The following ADAMTSL3 variants were observed in gnomAD, a reference collection of about 807,000 sequenced individuals.
ADAMTSL3 encodes ADAMTS-like protein 3.
In ADAMTSL3, 128 loss-of-function variants were observed where a neutral mutation model predicts 201.7. The ratio of observed to expected loss-of-function variants is 0.63; its 90% confidence interval spans 0.55 to 0.73. ADAMTSL3 has a LOEUF of 0.73. ADAMTSL3 is among the 30% of genes least tolerant of loss of function. The probability of loss-of-function intolerance (pLI) is 0.00; values close to 1 mark genes in which losing one functional copy is unlikely to be tolerated. For missense variants in ADAMTSL3, 1,990 were observed against 2,119.6 expected, an observed-to-expected ratio of 0.94 and a Z score of 1.20; for synonymous variants, 738 against 748.4, an observed-to-expected ratio of 0.99 and a Z score of 0.23.
chr15:83,892,995 A>G, intron 13 of ADAMTSL3, 107 bp downstream of exon 13: 1 of 1,108,230 alleles, frequency 9.0e-7, no homozygotes, highest in South Asian at 1.6e-5. Context: ...AAAAAGTGGT[A>G]AAAGAGCATG....
In ADAMTSL3 at chr15:83,961,535, A is replaced by G. The variant is rs550112273; in HGVS notation, c.2491-8949A>G. On this transcript the variant is annotated intron_variant, in intron 19 of 29. Transcript: ENST00000286744. ...TAAAGCAAAACCCCCTTTGAACAGA[A>G]AGTCAACCAAATAAACTAAAAATTC... The G allele has an allele frequency of 2.6e-5, 4 of 152,358 alleles. No homozygotes were observed. In the East Asian group the frequency reaches 7.7e-4, roughly 29 times the overall value. The allele number at this position is 152,358 out of a possible 1,614,324, so 9.4% of individuals were successfully genotyped here.
intron 4 of ADAMTSL3, among the ~76,000 whole-genome samples, chr15:83,776,355 C>T (rs993628969): frequency 1.3e-5 from 2 of 152,168 alleles, no homozygotes; most frequent in Non-Finnish European, 2.9e-5. Flanking sequence ...TAACACATAT[C>T]CTGCCTTCAA....
At chr15:83,853,954 A>G (rs2064677142) in intron 7 of ADAMTSL3, among the ~76,000 whole-genome samples, 1 of 137,930 alleles carries the variant, frequency 7.3e-6, no homozygotes, top group Non-Finnish European at 1.6e-5. Context: ...CTATCTATCT[A>G]TCTAATTCCT....
intron 3 of ADAMTSL3, among the ~76,000 whole-genome samples, chr15:83,729,565 A>G (rs962906251): frequency 3.3e-5 from 5 of 151,738 alleles, no homozygotes; most frequent in African/African-American, 7.3e-5. Flanking sequence ...CTATTTGTCA[A>G]TTGCATTTTT....
At chr15:83,857,346 G>C (rs1040096595) in intron 7 of ADAMTSL3, among the ~76,000 whole-genome samples, 7 of 152,052 alleles carry the variant, frequency 4.6e-5, no homozygotes, top group African/African-American at 1.7e-4. Flanking sequence ...TTTTTTTCAT[G>C]TGTTTCCTGT....
intron 3 of ADAMTSL3, among the ~76,000 whole-genome samples, chr15:83,755,232 T>C (rs1236895236): frequency 6.6e-6 from 1 of 152,230 alleles, no homozygotes; most frequent in Non-Finnish European, 1.5e-5. Context: ...GCCTGTACTC[T>C]TTTAAAAAAT....
intron 14 of ADAMTSL3, among the ~76,000 whole-genome samples, chr15:83,898,806 T>C (rs1407908196): frequency 1.3e-5 from 2 of 152,188 alleles, no homozygotes; most frequent in African/African-American, 4.8e-5. Flanking sequence ...GAGAGGATGG[T>C]AAAACTCTCT....
intron 2 of ADAMTSL3, among the ~76,000 whole-genome samples, chr15:83,698,874 C>G (rs568294547): frequency 6.6e-6 from 1 of 152,224 alleles, no homozygotes; most frequent in East Asian, 1.9e-4. Context: ...TAGCAGCATT[C>G]AAGACACTTG....
intron 3 of ADAMTSL3, chr15:83,739,753 C>G: frequency 2.1e-6 from 1 of 472,128 alleles, no homozygotes; most frequent in Non-Finnish European, 4.2e-6. Context: ...TTCACCTCCT[C>G]CAGTGCCAAG....
chr15:84,031,357 G>A lies in ADAMTSL3; in HGVS notation c.4679G>A (p.Arg1560His), dbSNP rs140618179. 369 of 1,613,988 alleles carry A rather than the reference G, an allele frequency of 2.3e-4. 1 individual carries two copies. In the African/African-American group the frequency reaches 3.4e-3, roughly 15 times the overall value. Residue 1560 changes from arginine (R) to histidine (H), a missense_variant, in exon 28 of 30, where the codon CGT becomes CAT. Arg to His is a conservative substitution (Grantham distance 29). Transcript: ENST00000286744. ...GNRCPGRCMGRAVRMQQRHTA... is the reference protein window; with the variant it reads ...GNRCPGRCMGHAVRMQQRHTA... ...CAGTGTCCTGGACGTTGCATGGGCCGTGCTGTGAGGATGCAGCAGCGTCAC... is the reference window on the plus strand; with the variant it reads ...CAGTGTCCTGGACGTTGCATGGGCCATGCTGTGAGGATGCAGCAGCGTCAC...
intron 3 of ADAMTSL3, among the ~76,000 whole-genome samples, chr15:83,729,883 T>C (rs1358946252): frequency 6.6e-6 from 1 of 152,060 alleles, no homozygotes; most frequent in Admixed American, 6.6e-5. Context: ...TTGGGCTTGT[T>C]TGTACCCATC....
intron 2 of ADAMTSL3, among the ~76,000 whole-genome samples, chr15:83,683,495 A>G (rs1354495305): frequency 1.3e-5 from 2 of 152,104 alleles, no homozygotes; most frequent in Non-Finnish European, 2.9e-5. Flanking sequence ...TGGACTTCCC[A>G]TTTGACTTTT....
Position 83,899,708 on chromosome 15 carries a change from C to A in ADAMTSL3, c.1677C>A (p.Thr559=). ...AACAAGCACAAGAACTAGAAGAGAC[C>A]AGAATAGCAACAGAAGAACCAACGT... ...WLKQAQELEE[T]RIATEEPTFI... Residue 559 remains threonine, a synonymous_variant, in exon 15 of 30, where the codon ACC becomes ACA. Coordinates refer to ENST00000286744, the MANE Select transcript of ADAMTSL3 (RefSeq NM_207517.3). 1 of 1,611,670 alleles carries A rather than the reference C, an allele frequency of 6.2e-7. No homozygotes were observed. The highest frequency in any genetic ancestry group is 1.7e-5 in the Admixed American group (1 of 59,978).
chr15:83,671,521 G>T (rs562228644), intron 2 of ADAMTSL3, among the ~76,000 whole-genome samples: 1 of 152,304 alleles, frequency 6.6e-6, no homozygotes, highest in South Asian at 2.1e-4. Flanking sequence ...TCTCTTCAGA[G>T]AATGTGGGTT....
intron 4 of ADAMTSL3, among the ~76,000 whole-genome samples, chr15:83,781,939 G>C (rs1296836119): frequency 2.0e-5 from 3 of 152,142 alleles, no homozygotes; most frequent in Non-Finnish European, 4.4e-5. Context: ...GTGAGATTGT[G>C]GAGAAAAGGG....
intron 20 of ADAMTSL3, among the ~76,000 whole-genome samples, chr15:83,976,605 A>G (rs572562136): frequency 2.0e-5 from 3 of 152,016 alleles, no homozygotes; most frequent in Admixed American, 2.0e-4. Flanking sequence ...AGACAGAGAC[A>G]CATCATTAGG....
intron 7 of ADAMTSL3, among the ~76,000 whole-genome samples, chr15:83,855,241 G>A (rs576037106): frequency 4.6e-5 from 7 of 152,224 alleles, no homozygotes; most frequent in Admixed American, 1.3e-4. Context: ...ATAGACATGC[G>A]GTCTTCTAGA....
chr15:83,858,669 A>C (rs942810237), intron 7 of ADAMTSL3, 97 bp from the exon 8 acceptor site: 1 of 894,572 alleles, frequency 1.1e-6, no homozygotes, highest in African/African-American at 1.7e-5. Flanking sequence ...TATAGTTAAG[A>C]ATATTTTGCA....
intron 3 of ADAMTSL3, among the ~76,000 whole-genome samples, chr15:83,760,867 A>G (rs1459244016): frequency 1.3e-5 from 2 of 152,090 alleles, no homozygotes; most frequent in Non-Finnish European, 2.9e-5. Context: ...TATTTAAGGA[A>G]TGTCTCTTTT....
Sources: allele counts gnomAD v4.1 joint callset (sites outside exome capture counted in the v4.1 genomes callset), GRCh38; gene constraint gnomAD v4.1.1; transcripts MANE v1.5; gene names NCBI Gene and HGNC (gene_info 2026-07-23, HGNC 2026-07-21).